The following SUN1 variants were observed in gnomAD, a reference collection of about 807,000 sequenced individuals.
The protein encoded by SUN1 is Sad1 and UNC84 domain containing 1, also known as SUN domain-containing protein 1.
A neutral mutation model predicts 103.2 loss-of-function variants in SUN1; 61 were observed. That is an observed-to-expected ratio of 0.59 (90% CI 0.48 to 0.73). The LOEUF (loss-of-function observed/expected upper bound fraction) is 0.73. Ranked by LOEUF, SUN1 falls within the 30% of genes least tolerant of loss-of-function variation. The probability of loss-of-function intolerance (pLI) is 0.00; values close to 1 mark genes in which losing one functional copy is unlikely to be tolerated. For missense variants in SUN1, 1,052 were observed against 1,034.6 expected, an observed-to-expected ratio of 1.02 and a Z score of -0.23; for synonymous variants, 490 against 425.7, an observed-to-expected ratio of 1.15 and a Z score of -1.86.
chr7:857,472 T>G (rs1828585291), intron 12 of SUN1, among the ~76,000 whole-genome samples: 1 of 152,176 alleles, frequency 6.6e-6, no homozygotes, highest in Non-Finnish European at 1.5e-5. Context: ...CTACTGGGCT[T>G]ACAAGCATGA....
intron 1 of SUN1, chr7:817,302 C>G: frequency 1.1e-6 from 1 of 899,828 alleles, no homozygotes; most frequent in Non-Finnish European, 1.8e-6. Context: ...TCCATGCTGC[C>G]CAGGTCGGAC....
intron 15 of SUN1, among the ~76,000 whole-genome samples, chr7:863,350 G>A (rs920566538): frequency 2.0e-5 from 3 of 151,956 alleles, no homozygotes; most frequent in African/African-American, 7.3e-5. Context: ...CCGCCCTCCC[G>A]AGCTCGCCCT....
intron 1 of SUN1, among the ~76,000 whole-genome samples, chr7:820,136 A>G (rs1784622783): frequency 6.6e-6 from 1 of 152,198 alleles, no homozygotes; most frequent in African/African-American, 2.4e-5. Flanking sequence ...TGATAGAGAT[A>G]GTATTGAATC....
intron 12 of SUN1, among the ~76,000 whole-genome samples, chr7:856,736 C>T (rs1464226496): frequency 3.3e-5 from 5 of 152,160 alleles, no homozygotes; most frequent in East Asian, 1.9e-4. Flanking sequence ...TGTTGCAGCC[C>T]GTGCCATGGT....
At chr7:865,835 T>C (rs1836054728) in intron 15 of SUN1, 117 bp from the exon 16 acceptor site, 2 of 766,180 alleles carry the variant, frequency 2.6e-6, no homozygotes, top group Non-Finnish European at 4.4e-6. Context: ...TCTCTGAATA[T>C]CAGTGATGTC....
chr7:832,841 T>C, intron 1 of SUN1: 1 of 490,998 alleles, frequency 2.0e-6, no homozygotes, highest in Non-Finnish European at 3.7e-6. Context: ...GCTTGCTGGC[T>C]TCGACCCCAC....
chr7:824,485 TTAA>T (rs1270788148), intron 1 of SUN1, among the ~76,000 whole-genome samples: 4 of 152,236 alleles, frequency 2.6e-5, no homozygotes, highest in African/African-American at 7.2e-5. Flanking sequence ...TTTAAACTAT[TTAA>T]TAGTTTTGTC....
In SUN1 at chr7:853,389, T is replaced by C; in HGVS notation, c.1054-20T>C. The C allele has an allele frequency of 6.2e-7, 1 of 1,612,552 alleles. No homozygotes were observed. The highest frequency in any genetic ancestry group is 8.5e-7 in the Non-Finnish European group (1 of 1,179,958). ...ATGCTTGTTTGACTACCTGGTTTCA[T>C]TTCTCTCTTGCCATTTCAGGGTGAC... On this transcript the variant is annotated intron_variant, in intron 9 of 18. Coordinates refer to ENST00000401592, the MANE Select transcript of SUN1 (RefSeq NM_001130965.3).
At chr7:858,158 G>A (rs113651925) in intron 13 of SUN1, among the ~76,000 whole-genome samples, 3,110 of 152,206 alleles carry the variant, frequency 0.02, 110 homozygotes, top group African/African-American at 0.071. Flanking sequence ...GGGTTCAAGC[G>A]ATTCTCCCAC....
intron 5 of SUN1, chr7:850,314 A>G: frequency 2.5e-6 from 1 of 397,654 alleles, no homozygotes; most frequent in Non-Finnish European, 4.7e-6. Flanking sequence ...TTCTCCTGCC[A>G]CAGCCTCCTG....
intron 11 of SUN1, among the ~76,000 whole-genome samples, 186 bp from the exon 12 acceptor site, chr7:856,172 G>A (rs1476455898): frequency 1.3e-5 from 2 of 152,184 alleles, no homozygotes; most frequent in Non-Finnish European, 2.9e-5. Context: ...TCCTTTCTGC[G>A]CACACGTAAT....
rs761859949 is a variant in SUN1 at position 841,941 on chromosome 7, C to A, written c.267-5C>A. 6.2e-7 allele frequency: 1 copy of A among 1,608,152 alleles called. No individual in the cohort carries two copies. The highest frequency in any genetic ancestry group is 1.7e-5 in the Admixed American group (1 of 58,730). ...TATAAACTTGCTGTTTTTTTTTCTTCTTAGAACAACAAAACAGCGCAGAAG... is the reference window on the plus strand; with the variant it reads ...TATAAACTTGCTGTTTTTTTTTCTTATTAGAACAACAAAACAGCGCAGAAG... On this transcript the variant is annotated splice_polypyrimidine_tract_variant and splice_region_variant and intron_variant, in intron 2 of 18. Transcript: ENST00000401592.
chr7:831,926 T>C (rs534555373), upstream of SUN1: 6 of 485,290 alleles, frequency 1.2e-5, no homozygotes, highest in African/African-American at 2.1e-5. Flanking sequence ...AGAAACAATA[T>C]ACTCAACACT....
At position 857,843 on chromosome 7, in the gene SUN1, G is replaced by A; in HGVS notation, c.1410G>A (p.Gln470=). ...TGGATTCCAGTGCGGTTGGTGAGCA[G>A]CTCCTGCCCACAGTCGAGCACCTCC... ...KQKTISAVGE[Q]LLPTVEHLQL... Residue 470 remains glutamine, a synonymous_variant, in exon 13 of 19, where the codon CAG becomes CAA. Transcript: ENST00000401592. 1 of 1,586,862 alleles carries A rather than the reference G, an allele frequency of 6.3e-7. No individual in the cohort carries two copies. Among genetic ancestry groups the A allele is most frequent in the Non-Finnish European group, 8.6e-7 (1 of 1,161,444 alleles).
chr7:826,360 G>C (rs531807221), intron 1 of SUN1, among the ~76,000 whole-genome samples: 1 of 150,400 alleles, frequency 6.6e-6, no homozygotes, highest in African/African-American at 2.4e-5. Context: ...ATGTGTGTCT[G>C]TGTGTGTGCG....
chr7:827,571 G>T (rs1386404050), upstream of SUN1, among the ~76,000 whole-genome samples: 1 of 149,350 alleles, frequency 6.7e-6, no homozygotes, highest in Non-Finnish European at 1.5e-5. Context: ...CCGGGTTCAC[G>T]CCATTCTCCC....
intron 9 of SUN1, 35 bp downstream of exon 9, chr7:852,987 C>T: frequency 6.3e-7 from 1 of 1,592,270 alleles, no homozygotes; most frequent in Non-Finnish European, 8.5e-7. Flanking sequence ...GCTGGCACTG[C>T]ACATGTGAGG....
chr7:850,257 G>A (rs749018154), intron 5 of SUN1: 49 of 518,466 alleles, frequency 9.5e-5, no homozygotes, highest in Non-Finnish European at 1.6e-4. Context: ...GGAGTGCAGT[G>A]GTGCAATCTT....
chr7:869,058 C>T (rs1839517186), intron 16 of SUN1: 1 of 399,616 alleles, frequency 2.5e-6, no homozygotes, highest in Admixed American at 4.0e-5. Context: ...CTTGCCACGA[C>T]CAAGGACCAT....
Sources: allele counts gnomAD v4.1 joint callset (sites outside exome capture counted in the v4.1 genomes callset), GRCh38; gene constraint gnomAD v4.1.1; transcripts MANE v1.5; gene names NCBI Gene and HGNC (gene_info 2026-07-23, HGNC 2026-07-21).